AGAP1: variants seen among roughly 807,000 people sequenced by gnomAD.
AGAP1 encodes ArfGAP with GTPase domain, ankyrin repeat and PH domain 1.
AGAP1 carries 29 observed loss-of-function variants against 105.3 expected under a neutral mutation model. That is an observed-to-expected ratio of 0.28 (90% CI 0.21 to 0.38). AGAP1 has a LOEUF of 0.38. AGAP1 is among the 10% of genes least tolerant of loss of function. The pLI is 1.00. For synonymous variants in AGAP1, 509 were observed against 485.9 expected (o/e 1.05, Z -0.63); for missense variants, 998 against 1,165.1 (o/e 0.86, Z 2.09).
In AGAP1 at chr2:236,124,297, C is replaced by A; in HGVS notation, c.*175C>A. 1.4e-6 allele frequency: 1 copy of A among 733,454 alleles called. No individual in the cohort carries two copies. Among genetic ancestry groups the A allele is most frequent in the Non-Finnish European group, 2.2e-6 (1 of 455,510 alleles). 45.4% of individuals were successfully genotyped at this position (733,454 alleles called of 1,614,324 possible). A position where few individuals can be genotyped will look rare whatever the true frequency, so the allele number is the denominator to read the frequency against. ...AAAATCACAAAACCTGGACATCCCT[C>A]AAGGGGCGAAGAGGCGGCCGGGAGA... is the stretch of plus-strand genomic sequence containing the variant. On this transcript the variant is annotated 3_prime_UTR_variant, in exon 18 of 18. Transcript: ENST00000304032. This position sits in a 1 kb window ranked among gnomAD's most constrained non-coding sequence, Gnocchi z 5.1.
chr2:235,798,507 G>C (rs577735611), intron 7 of AGAP1, among the ~76,000 whole-genome samples: 1 of 152,160 alleles, frequency 6.6e-6, no homozygotes, highest in East Asian at 1.9e-4. Flanking sequence ...GAAGGGTTCG[G>C]TGTCGTACTT....
At chr2:235,671,138 C>T in intron 1 of AGAP1, 3 of 1,226,450 alleles carry the variant, frequency 2.4e-6, no homozygotes, top group South Asian at 3.8e-5. Flanking sequence ...ATGGGACCCG[C>T]CCTCCCGGGT....
Position 235,740,628 on chromosome 2 carries a change from A to T in AGAP1, c.311-335A>T, listed in dbSNP as rs181036118. Among the ~76,000 whole-genome samples, 2 of 152,356 alleles carry T rather than the reference A, an allele frequency of 1.3e-5. No individual in the cohort carries two copies. Among genetic ancestry groups the T allele is most frequent in the African/African-American group, 4.8e-5 (2 of 41,586 alleles). Reference sequence around the variant, plus strand: ...GTTTTGTGAACCCAACAAGAGAATGACAATTTTAATGTTCTCTGTTTCCCA... The same window carrying T: ...GTTTTGTGAACCCAACAAGAGAATGTCAATTTTAATGTTCTCTGTTTCCCA... On this transcript the variant is annotated intron_variant, in intron 3 of 17. Transcript: ENST00000304032. The surrounding 1 kb of genome is among the most constrained non-coding windows in gnomAD (Gnocchi z 5.7).
At position 235,882,526 on chromosome 2, in the gene AGAP1, G is replaced by C; in HGVS notation, c.1051-819G>C. ...AAACAATCGGTACCATCCGTGGCGG[G>C]CTCTTAGCTCACTGCAACACTCTGC... On this transcript the variant is annotated intron_variant, in intron 9 of 17. Transcript: ENST00000304032. The surrounding 1 kb of genome is among the most constrained non-coding windows in gnomAD (Gnocchi z 4.6). 1 of 1,231,300 alleles carries C rather than the reference G, an allele frequency of 8.1e-7. No homozygotes were observed. Among genetic ancestry groups the C allele is most frequent in the Non-Finnish European group, 1.2e-6 (1 of 860,160 alleles). 76.3% of individuals were successfully genotyped at this position (1,231,300 alleles called of 1,614,324 possible). A position where few individuals can be genotyped will look rare whatever the true frequency, so the allele number is the denominator to read the frequency against.
chr2:235,695,787 G>T (rs897909505), intron 1 of AGAP1, among the ~76,000 whole-genome samples: 1 of 152,204 alleles, frequency 6.6e-6, no homozygotes, highest in African/African-American at 2.4e-5. Context: ...GAGCATCTGA[G>T]CTCCAAGCCC....
At chr2:235,876,332 T>C (rs998326336) in intron 9 of AGAP1, among the ~76,000 whole-genome samples, 1 of 152,248 alleles carries the variant, frequency 6.6e-6, no homozygotes, top group African/African-American at 2.4e-5. Context: ...AAAATTGTGC[T>C]GACCCTTAGA....
intron 16 of AGAP1, among the ~76,000 whole-genome samples, chr2:236,052,359 A>G (rs1255773885): frequency 6.6e-6 from 1 of 152,074 alleles, no homozygotes; most frequent in African/African-American, 2.4e-5. Flanking sequence ...GACCATGGGG[A>G]AGTAGAACAC....
Position 235,714,026 on chromosome 2 carries a change from T to C in AGAP1, c.223-3531T>C, listed in dbSNP as rs1237520747. On this transcript the variant is annotated intron_variant, in intron 2 of 17. Transcript: ENST00000304032. The surrounding 1 kb of genome is among the most constrained non-coding windows in gnomAD (Gnocchi z 4.1). Reference sequence around the variant, plus strand: ...AATTTTATTTATTATTTTGTTTTTATTTTTTGAGACAGAGTCTCACTCTGT... The same window carrying C: ...AATTTTATTTATTATTTTGTTTTTACTTTTTGAGACAGAGTCTCACTCTGT... Among the ~76,000 whole-genome samples, 1 of 152,160 alleles carries C rather than the reference T, an allele frequency of 6.6e-6. No homozygotes were observed. The highest frequency in any genetic ancestry group is 2.4e-5 in the African/African-American group (1 of 41,438).
intron 16 of AGAP1, among the ~76,000 whole-genome samples, chr2:236,102,956 C>G (rs972799710): frequency 1.3e-5 from 2 of 151,848 alleles, no homozygotes; most frequent in African/African-American, 4.8e-5. Flanking sequence ...ACCGCAAGCC[C>G]CCGCCCCACC....
intron 16 of AGAP1, among the ~76,000 whole-genome samples, chr2:236,111,812 G>T (rs1456752988): frequency 6.6e-6 from 1 of 150,934 alleles, no homozygotes; most frequent in African/African-American, 2.5e-5. Context: ...AAAAAAGAAA[G>T]GGTCCATCCC....
Position 235,734,128 on chromosome 2 carries a change from G to T in AGAP1, c.311-6835G>T, listed in dbSNP as rs926510696. On this transcript the variant is annotated intron_variant, in intron 3 of 17. Transcript: ENST00000304032. This position sits in a 1 kb window ranked among gnomAD's most constrained non-coding sequence, Gnocchi z 5.3. ...ACGAGGGCTGATTGTCCTTTTCAAG[G>T]TATCCATCTCATCCCACTTGTTAAA... is the stretch of plus-strand genomic sequence containing the variant. 6.6e-6 allele frequency among the ~76,000 whole-genome samples: 1 copy of T among 152,166 alleles called. No homozygotes were observed. The highest frequency in any genetic ancestry group is 2.4e-5 in the African/African-American group (1 of 41,424).
At chr2:235,817,418 A>C (rs542005108) in intron 9 of AGAP1, among the ~76,000 whole-genome samples, 1 of 152,198 alleles carries the variant, frequency 6.6e-6, no homozygotes, top group African/African-American at 2.4e-5. Context: ...TTTATCAGAT[A>C]GTTTTGAGTA....
rs946340055 is a variant in AGAP1, at chr2:235,712,660, C to T, written c.222+3423C>T. ...CCTTTGGCCTTGTGATGTGAAGGGC[C>T]GAGTATGGGTTCCAACGCACTTCAT... On this transcript the variant is annotated intron_variant, in intron 2 of 17. Transcript: ENST00000304032. The surrounding 1 kb of genome is among the most constrained non-coding windows in gnomAD (Gnocchi z 6.0). 6.6e-6 allele frequency among the ~76,000 whole-genome samples: 1 copy of T among 152,140 alleles called. No individual in the cohort carries two copies. Among genetic ancestry groups the T allele is most frequent in the Non-Finnish European group, 1.5e-5 (1 of 68,026 alleles).
At chr2:235,760,407 A>C (rs893707902) in intron 6 of AGAP1, among the ~76,000 whole-genome samples, 9 of 152,180 alleles carry the variant, frequency 5.9e-5, no homozygotes, top group Non-Finnish European at 8.8e-5. Flanking sequence ...CAAAATAAAT[A>C]CAAATGTGTA....
intron 12 of AGAP1, among the ~76,000 whole-genome samples, chr2:235,945,208 C>G (rs956741072): frequency 1.3e-5 from 2 of 152,202 alleles, no homozygotes; most frequent in Admixed American, 6.5e-5. Flanking sequence ...TCCCGCCATT[C>G]TCCTGCCTCA....
At chr2:235,512,104 A>C (rs200167933) in intron 1 of AGAP1, among the ~76,000 whole-genome samples, 1 of 103,422 alleles carries the variant, frequency 9.7e-6, no homozygotes, top group East Asian at 2.7e-4. Flanking sequence ...TGTGTGTGTG[A>C]ATGTGTGTGT....
At position 235,792,389 on chromosome 2, in the gene AGAP1, A is replaced by G. The variant is rs1281541374; in HGVS notation, c.674-5370A>G. 6.6e-6 allele frequency among the ~76,000 whole-genome samples: 1 copy of G among 152,174 alleles called. No individual in the cohort carries two copies. The highest frequency in any genetic ancestry group is 1.5e-5 in the Non-Finnish European group (1 of 68,030). ...TATCCAGTAGTACTAATGTGCGGAA[A>G]TACCAGGAGTGGACAAGCCACCTTC... On this transcript the variant is annotated intron_variant, in intron 6 of 17. Coordinates refer to ENST00000304032, the MANE Select transcript of AGAP1 (RefSeq NM_001037131.3). The surrounding 1 kb of genome is among the most constrained non-coding windows in gnomAD (Gnocchi z 5.3).
chr2:235,685,266 G>A (rs1219664871), intron 1 of AGAP1, among the ~76,000 whole-genome samples: 5 of 151,882 alleles, frequency 3.3e-5, no homozygotes, highest in Non-Finnish European at 5.9e-5. Flanking sequence ...CTGGTGTGTG[G>A]GTTCCTCCCT....
rs1268088194 is a variant in AGAP1, at chr2:236,036,113, C to A, written c.1646-448C>A. 1.3e-5 allele frequency among the ~76,000 whole-genome samples: 2 copies of A among 152,164 alleles called. No individual in the cohort carries two copies. The highest frequency in any genetic ancestry group is 2.9e-5 in the Non-Finnish European group (2 of 68,040). ...GGTCCTCTGCCATAAAAGAACAGAA[C>A]CTTCCCGCGTTCCTCTATCCATGGA... On this transcript the variant is annotated intron_variant, in intron 13 of 17. Coordinates refer to ENST00000304032, the MANE Select transcript of AGAP1 (RefSeq NM_001037131.3). The surrounding 1 kb of genome is among the most constrained non-coding windows in gnomAD (Gnocchi z 5.7).
Sources: allele counts gnomAD v4.1 joint callset (sites outside exome capture counted in the v4.1 genomes callset), GRCh38; gene constraint gnomAD v4.1.1; non-coding constraint Gnocchi (gnomAD v3.1); transcripts MANE v1.5; gene names NCBI Gene and HGNC (gene_info 2026-07-23, HGNC 2026-07-21).